The following ABCA13 variants were observed in gnomAD, a reference collection of about 807,000 sequenced individuals.
ABCA13 encodes ATP binding cassette subfamily A member 13.
ABCA13 carries 476 observed loss-of-function variants against 478.7 expected under a neutral mutation model. The observed-to-expected ratio is 0.99, with a 90% CI of 0.92 to 1.07. ABCA13 has a LOEUF of 1.07. Ranked by LOEUF, ABCA13 falls within the 50% of genes least tolerant of loss-of-function variation. The pLI, the probability that ABCA13 is intolerant of heterozygous loss-of-function variation, is 0.00. For synonymous variants in ABCA13, 2,252 were observed against 2,158.9 expected (o/e 1.04, Z -1.20); for missense variants, 6,060 against 5,910.6 (o/e 1.03, Z -0.83).
Position 48,295,770 on chromosome 7 carries a change from C to T in ABCA13, c.9026C>T (p.Thr3009Ile). The T allele has an allele frequency of 1.2e-6, 2 of 1,614,020 alleles. No individual in the cohort carries two copies. The highest frequency in any genetic ancestry group is 1.7e-6 in the Non-Finnish European group (2 of 1,179,896). The change falls in exon 21 of 62, where the codon ACC (threonine) becomes ATC (isoleucine). Residue 3009 changes from threonine (T) to isoleucine (I), a missense_variant. Physicochemically the swap from Thr to Ile is moderately conservative, Grantham distance 89 (BLOSUM62 -1). This residue lies in a region of ABCA13 where 4,423 missense variants were observed against 4,309.1 expected (regional missense o/e 1.03). Transcript: ENST00000435803. ...AGTCTTAGCAAGAATCTTTCTAGCA[C>T]CTTGGAGAGCTTCAAGAGCAGCTTG... ...CESLSKNLSS[T>I]LESFKSSLEN...
intron 27 of ABCA13, among the ~76,000 whole-genome samples, chr7:48,322,893 C>T (rs987486681): frequency 6.6e-6 from 1 of 152,178 alleles, no homozygotes; most frequent in South Asian, 2.1e-4. Flanking sequence ...CATCTGTTCT[C>T]TATCACTATA....
At chr7:48,391,482 C>G (rs540511718) in intron 37 of ABCA13, among the ~76,000 whole-genome samples, 1 of 152,138 alleles carries the variant, frequency 6.6e-6, no homozygotes, top group Non-Finnish European at 1.5e-5. Flanking sequence ...CAATAAATTG[C>G]AAGAGATATT....
Position 48,310,124 on chromosome 7 carries a change from C to G in ABCA13, c.9499C>G (p.Arg3167Gly), listed in dbSNP as rs1194677324. 1 of 1,610,192 alleles carries G rather than the reference C, an allele frequency of 6.2e-7. No individual in the cohort carries two copies. The highest frequency in any genetic ancestry group is 8.5e-7 in the Non-Finnish European group (1 of 1,177,626). ...IVLLSRNLDV[R>G]AFIYKTLMPS... ...GTTGCTGAGTCGAAACTTGGATGTG[C>G]GAGCTTTCATTTACAAGGTATGGAG... The change falls in exon 24 of 62, where the codon CGA becomes GGA. Residue 3167 changes from arginine to glycine, a missense_variant. Arg to Gly is a moderately radical substitution (Grantham distance 125). Transcript: ENST00000435803.
rs1367279166 is a variant in ABCA13, at chr7:48,529,907, C to T, written c.14354+1562C>T. ...TACACTTTCTCTACAGTAATGTCTC[C>T]TTTTTAAATTTTATTTTTTATTTCA... On this transcript the variant is annotated intron_variant, in intron 55 of 61. Transcript: ENST00000435803. 3.3e-5 allele frequency among the ~76,000 whole-genome samples: 5 copies of T among 152,134 alleles called. No homozygotes were observed. The South Asian group carries it at 1.0e-3, about 32-fold the overall frequency.
intron 23 of ABCA13, among the ~76,000 whole-genome samples, chr7:48,300,684 C>G (rs1485369724): frequency 6.6e-6 from 1 of 152,148 alleles, no homozygotes; most frequent in Non-Finnish European, 1.5e-5. Flanking sequence ...TTCTTTCCTG[C>G]CCTCTTCCCT....
intron 42 of ABCA13, among the ~76,000 whole-genome samples, chr7:48,434,686 T>C (rs1159245221): frequency 1.3e-5 from 2 of 151,968 alleles, no homozygotes; most frequent in African/African-American, 4.8e-5. Context: ...TAATTTTCTA[T>C]ACTGTGTATG....
chr7:48,608,256 C>G (rs1395038001), intron 58 of ABCA13, among the ~76,000 whole-genome samples: 1 of 152,252 alleles, frequency 6.6e-6, no homozygotes, highest in Non-Finnish European at 1.5e-5. Flanking sequence ...TGACTGGGCA[C>G]AAGTTGTGCT....
At chr7:48,509,163 C>T (rs1199937929) in intron 50 of ABCA13, among the ~76,000 whole-genome samples, 7 of 152,140 alleles carry the variant, frequency 4.6e-5, no homozygotes, top group Admixed American at 1.3e-4. Context: ...TGAATCTTAA[C>T]CAAGATTGAC....
chr7:48,488,205 T>G (rs1241502227), intron 47 of ABCA13, among the ~76,000 whole-genome samples: 1 of 152,042 alleles, frequency 6.6e-6, no homozygotes, highest in African/African-American at 2.4e-5. Context: ...GAGAAGGAAT[T>G]GGGGAACATT....
chr7:48,614,521 C>A (rs1166823965), intron 58 of ABCA13, among the ~76,000 whole-genome samples: 1 of 150,952 alleles, frequency 6.6e-6, no homozygotes, highest in African/African-American at 2.4e-5. Flanking sequence ...TTGACCCAGC[C>A]ATCCCATTAC....
At chr7:48,626,680 G>A in intron 59 of ABCA13, 1 of 985,460 alleles carries the variant, frequency 1.0e-6, no homozygotes, top group Non-Finnish European at 1.2e-6. Context: ...AGACGCTGAA[G>A]AACACGATAA....
intron 59 of ABCA13, among the ~76,000 whole-genome samples, chr7:48,637,679 A>G (rs1794784231): frequency 6.6e-6 from 1 of 152,182 alleles, no homozygotes; most frequent in Non-Finnish European, 1.5e-5. Flanking sequence ...TGACAATGAT[A>G]TAATGCTGGA....
At chr7:48,329,559 G>A (rs548369600) in intron 27 of ABCA13, among the ~76,000 whole-genome samples, 3 of 151,896 alleles carry the variant, frequency 2.0e-5, no homozygotes, top group South Asian at 2.1e-4. Flanking sequence ...CCTCCCATCC[G>A]TCCATCCATC....
chr7:48,539,917 A>T (rs1200547672), intron 55 of ABCA13, among the ~76,000 whole-genome samples: 1 of 152,226 alleles, frequency 6.6e-6, no homozygotes, highest in Non-Finnish European at 1.5e-5. Context: ...GTCTGTCGGC[A>T]GATAATGCAG....
In ABCA13 at chr7:48,479,136, G is replaced by A. The variant is rs563925947; in HGVS notation, c.12976-1900G>A. Reference sequence around the variant, plus strand: ...CTAATTTTTTTTTGTATTTTTAGTAGTGACGGGGTTTCACCGTGTTAGCCA... The same window carrying A: ...CTAATTTTTTTTTGTATTTTTAGTAATGACGGGGTTTCACCGTGTTAGCCA... On this transcript the variant is annotated intron_variant, in intron 45 of 61. Transcript: ENST00000435803. 5.3e-5 allele frequency among the ~76,000 whole-genome samples: 8 copies of A among 151,508 alleles called. No homozygotes were observed. In the East Asian group the frequency reaches 1.6e-3, roughly 30 times the overall value.
At chr7:48,249,376 G>T in intron 15 of ABCA13, 25 bp downstream of exon 15, 1 of 1,609,750 alleles carries the variant, frequency 6.2e-7, no homozygotes, top group South Asian at 1.1e-5. Context: ...TAAACTACAG[G>T]AATGGGGGAT....
At chr7:48,313,729 G>A (rs1414016615) in intron 25 of ABCA13, among the ~76,000 whole-genome samples, 12 of 152,172 alleles carry the variant, frequency 7.9e-5, no homozygotes, top group Admixed American at 7.9e-4. Flanking sequence ...GACTGGGCAC[G>A]AATGAGGAGG....
At chr7:48,391,772 AC>A in intron 37 of ABCA13, 148 bp from the exon 38 acceptor site, 1 of 682,424 alleles carries the variant, frequency 1.5e-6, no homozygotes, top group South Asian at 1.9e-5. Flanking sequence ...CAAACTACTC[AC>A]ACCTTTTAAC....
At chr7:48,515,412 A>G (rs1186383130) in intron 51 of ABCA13, among the ~76,000 whole-genome samples, 1 of 152,150 alleles carries the variant, frequency 6.6e-6, no homozygotes, top group African/African-American at 2.4e-5. Context: ...ACCTGGCTCT[A>G]GAATTGAGGA....
Sources: gnomAD v4.1 joint callset for allele counts (sites outside exome capture counted in the v4.1 genomes callset) on GRCh38, gnomAD v4.1.1 for gene constraint, gnomAD v4.1.1 regional missense constraint, MANE v1.5 for transcripts, NCBI Gene and HGNC (gene_info 2026-07-23, HGNC 2026-07-21) for gene names.